DACH2: variants seen among roughly 807,000 people sequenced by gnomAD.
DACH2 encodes the protein dachshund homolog 2.
DACH2 carries 17 observed loss-of-function variants against 35.8 expected under a neutral mutation model. The ratio of observed to expected loss-of-function variants is 0.48; its 90% CI spans 0.33 to 0.71. DACH2 has a LOEUF of 0.71. Among genes scored for constraint, DACH2 ranks in the 30% least tolerant of loss-of-function variants. The pLI is 0.02. For missense variants in DACH2, 469 were observed against 472.7 expected (o/e 0.99, Z 0.07); for synonymous variants, 195 against 177.3 (o/e 1.10, Z -0.79).
chrX:86,476,002 A>G (rs779185391), intron 2 of DACH2, among the ~76,000 whole-genome samples: 1 of 112,405 alleles, frequency 8.9e-6, no homozygotes, highest in African/African-American at 3.2e-5. Flanking sequence ...ATGTGGAACC[A>G]TTGTTGTATC....
intron 7 of DACH2, among the ~76,000 whole-genome samples, chrX:86,788,408 G>T (rs764143310): frequency 9.9e-5 from 11 of 110,947 alleles, no homozygotes; most frequent in African/African-American, 3.3e-4. Context: ...TGACATTCCT[G>T]GTGGGGTGTG....
chrX:86,410,612 A>G (rs1027641697), intron 2 of DACH2, among the ~76,000 whole-genome samples: 2 of 110,747 alleles, frequency 1.8e-5, no homozygotes, highest in Non-Finnish European at 3.8e-5. Flanking sequence ...GAATTAAAAA[A>G]CTAATGCTCT....
chrX:86,444,462 C>A (rs746552745), intron 2 of DACH2, among the ~76,000 whole-genome samples: 1 of 111,462 alleles, frequency 9.0e-6, no homozygotes, highest in South Asian at 3.7e-4. Context: ...TGATAGTAAA[C>A]CTTTTATTAC....
At chrX:86,335,113 T>G (rs2035282399) in intron 1 of DACH2, among the ~76,000 whole-genome samples, 1 of 111,782 alleles carries the variant, frequency 8.9e-6, no homozygotes, top group Non-Finnish European at 1.9e-5. Flanking sequence ...GTTCCATTTT[T>G]CTACATATCT....
chrX:86,490,534 G>A (rs1216482487), intron 2 of DACH2, among the ~76,000 whole-genome samples: 1 of 111,242 alleles, frequency 9.0e-6, no homozygotes, highest in Non-Finnish European at 1.9e-5. Flanking sequence ...GATATGTAAC[G>A]ATGGAATATA....
rs35560036 is a variant in DACH2, at chrX:86,546,503, CT to C, written c.640+32131del. Among the ~76,000 whole-genome samples, 573 of 69,789 alleles carry C rather than the reference CT, an allele frequency of 8.2e-3. 2 individuals are homozygous for C. Among genetic ancestry groups the C allele is most frequent in the East Asian group, 0.021 (49 of 2,347 alleles). The allele number at this position is 69,789 out of a possible 115,157, so 60.6% of individuals were successfully genotyped here. ...CTTCTTCCTCTTCTTCTTCTTCTTTCTTTTTTTTTTTTTTTTTTTAAGACAG... is the reference window on the plus strand; with the variant it reads ...CTTCTTCCTCTTCTTCTTCTTCTTTCTTTTTTTTTTTTTTTTTTAAGACAG... On this transcript the variant is annotated intron_variant, in intron 3 of 11. Transcript: ENST00000373125.
At chrX:86,321,998 A>C (rs1030708749) in intron 1 of DACH2, among the ~76,000 whole-genome samples, 23 of 110,284 alleles carry the variant, frequency 2.1e-4, no homozygotes, top group Non-Finnish European at 1.1e-4. Flanking sequence ...CTCATGGTGC[A>C]GTTGGAAGGG....
chrX:86,407,574 G>T (rs2036545476), intron 2 of DACH2, among the ~76,000 whole-genome samples: 1 of 112,265 alleles, frequency 8.9e-6, no homozygotes, highest in African/African-American at 3.2e-5. Flanking sequence ...ATTTTGAACT[G>T]TATTCTGTTG....
chrX:86,588,736 C>T (rs2039606556), intron 3 of DACH2, among the ~76,000 whole-genome samples: 1 of 110,934 alleles, frequency 9.0e-6, no homozygotes, highest in African/African-American at 3.3e-5. Context: ...TTCCTGCAGT[C>T]ATTTATCAGA....
chrX:86,267,067 A>G (rs1300047933), intron 1 of DACH2, among the ~76,000 whole-genome samples: 1 of 112,226 alleles, frequency 8.9e-6, no homozygotes, highest in African/African-American at 3.2e-5. Context: ...ACAAATGATC[A>G]TGAGTTTACA....
chrX:86,626,233 G>T (rs750929154), intron 3 of DACH2, among the ~76,000 whole-genome samples: 1 of 112,589 alleles, frequency 8.9e-6, no homozygotes, highest in Non-Finnish European at 1.9e-5. Context: ...ATCCAGCAGG[G>T]CAATCAAATC....
chrX:86,161,221 C>A (rs1416050264), intron 1 of DACH2: 2 of 1,185,168 alleles, frequency 1.7e-6, no homozygotes, highest in African/African-American at 3.5e-5. Flanking sequence ...AGTTGTTTCA[C>A]ATCCAGTGTG....
intron 2 of DACH2, among the ~76,000 whole-genome samples, chrX:86,440,623 C>T (rs2037144997): frequency 9.0e-6 from 1 of 111,420 alleles, no homozygotes; most frequent in Non-Finnish European, 1.9e-5. Flanking sequence ...ACACATCTAA[C>T]ATATTTGTTA....
At chrX:86,344,999 C>A (rs1033230257) in intron 1 of DACH2, among the ~76,000 whole-genome samples, 1 of 112,087 alleles carries the variant, frequency 8.9e-6, no homozygotes, top group Non-Finnish European at 1.9e-5. Flanking sequence ...ATTAGGAATT[C>A]CATAGTCTTA....
intron 2 of DACH2, among the ~76,000 whole-genome samples, chrX:86,464,003 T>G (rs1226911331): frequency 9.0e-6 from 1 of 111,304 alleles, no homozygotes; most frequent in Non-Finnish European, 1.9e-5. Context: ...TGGCAATCAT[T>G]AAAAAGTCAA....
intron 3 of DACH2, among the ~76,000 whole-genome samples, chrX:86,564,794 C>T (rs1299286661): frequency 1.8e-5 from 2 of 111,573 alleles, no homozygotes; most frequent in African/African-American, 3.3e-5. Context: ...TTCTAGAAAG[C>T]AGGTGTGGCA....
intron 3 of DACH2, among the ~76,000 whole-genome samples, chrX:86,536,087 G>T (rs2038795290): frequency 9.0e-6 from 1 of 111,135 alleles, no homozygotes; most frequent in Non-Finnish European, 1.9e-5. Flanking sequence ...AGGGGAAGGG[G>T]AAGGGAGAGA....
intron 2 of DACH2, among the ~76,000 whole-genome samples, chrX:86,387,258 TAAAC>T (rs780392565): frequency 1.8e-5 from 2 of 111,582 alleles, no homozygotes; most frequent in South Asian, 3.7e-4. Flanking sequence ...TAAATAAAGG[TAAAC>T]AAACTTGGTT....
At chrX:86,301,468 T>A (rs988092439) in intron 1 of DACH2, among the ~76,000 whole-genome samples, 28 of 111,946 alleles carry the variant, frequency 2.5e-4, no homozygotes, top group African/African-American at 9.1e-4. Context: ...TGGTCAATGA[T>A]AGTCTTAACT....
Sources: allele counts gnomAD v4.1 joint callset (sites outside exome capture counted in the v4.1 genomes callset), GRCh38; gene constraint gnomAD v4.1.1; transcripts MANE v1.5; gene names NCBI Gene and HGNC (gene_info 2026-07-23, HGNC 2026-07-21).